SLC6A18: variants seen among roughly 807,000 people sequenced by gnomAD.
SLC6A18 encodes inactive sodium-dependent neutral amino acid transporter B(0)AT3.
SLC6A18 carries 58 observed loss-of-function variants against 62.9 expected under a neutral mutation model. That is an observed-to-expected ratio of 0.92 (90% CI 0.75 to 1.15). The LOEUF is 1.15. Among genes scored for constraint, SLC6A18 ranks in the 50% most tolerant of loss-of-function variants. The probability of loss-of-function intolerance (pLI) is 0.00; values close to 1 mark genes in which losing one functional copy is unlikely to be tolerated. For missense variants in SLC6A18, 793 were observed against 836.6 expected, an observed-to-expected ratio of 0.95 and a Z score of 0.64; for synonymous variants, 382 against 365.8, an observed-to-expected ratio of 1.04 and a Z score of -0.51.
At chr5:1,233,958 G>A (rs1307710806) in intron 3 of SLC6A18, among the ~76,000 whole-genome samples, 1 of 152,058 alleles carries the variant, frequency 6.6e-6, no homozygotes, top group Admixed American at 6.5e-5. Flanking sequence ...AGCCAGGATG[G>A]TCTCGATCTC....
In SLC6A18 at chr5:1,241,462, G is replaced by A. The variant is rs373506153; in HGVS notation, c.974+803G>A. The stretch of plus-strand genomic sequence containing the variant: ...CGCAGCACCCTACAGTGTCCAGGAC[G>A]GCCCCACCCAGAGAGTGACCAGCCC... On this transcript the variant is annotated intron_variant, in intron 7 of 11. Coordinates refer to ENST00000324642, the MANE Select transcript of SLC6A18 (RefSeq NM_182632.3). The surrounding 1 kb of genome is among the most constrained non-coding windows in gnomAD (Gnocchi z 7.8). Among the ~76,000 whole-genome samples the A allele has an allele frequency of 1.3e-5, 2 of 152,208 alleles. No homozygotes were observed. The highest frequency in any genetic ancestry group is 2.9e-5 in the Non-Finnish European group (2 of 68,042).
chr5:1,239,387 G>T (rs902754239), intron 5 of SLC6A18, 63 bp from the exon 6 acceptor site: 1 of 1,291,646 alleles, frequency 7.7e-7, no homozygotes, highest in Non-Finnish European at 1.1e-6. Context: ...TTCTGGAACA[G>T]TCAGGGCCAC....
intron 5 of SLC6A18, among the ~76,000 whole-genome samples, chr5:1,239,114 C>T (rs528163910): frequency 9.8e-5 from 15 of 152,382 alleles, no homozygotes; most frequent in East Asian, 1.9e-4. Flanking sequence ...CACCCAGAAC[C>T]GCCCGGTTAG....
chr5:1,243,730 C>T lies in SLC6A18; in HGVS notation c.1307C>T (p.Pro436Leu). The T allele has an allele frequency of 6.2e-7, 1 of 1,611,018 alleles. No homozygotes were observed. The highest frequency in any genetic ancestry group is 8.5e-7 in the Non-Finnish European group (1 of 1,178,220). The change falls in exon 9 of 12, where the codon CCT becomes CTT. Residue 436 changes from proline to leucine, a missense_variant. Transcript: ENST00000324642. The surrounding 1 kb of genome is among the most constrained non-coding windows in gnomAD (Gnocchi z 6.5). The part of the protein sequence containing the change: ...ITPLLDVGVL[P>L]RWVPKEALTG... ...CCCCTGCTGGACGTGGGGGTCCTGCCTAGATGGGTCCCCAAGGAGGCCCTG... is the reference window on the plus strand; with the variant it reads ...CCCCTGCTGGACGTGGGGGTCCTGCTTAGATGGGTCCCCAAGGAGGCCCTG...
At chr5:1,230,708 A>G (rs746091741) in intron 1 of SLC6A18, among the ~76,000 whole-genome samples, 4 of 152,166 alleles carry the variant, frequency 2.6e-5, no homozygotes, top group Non-Finnish European at 4.4e-5. Flanking sequence ...AGTGGAGCTG[A>G]TGGGAGATGC....
rs368760212 is a variant in SLC6A18, at chr5:1,243,717, G to C, written c.1294G>C (p.Val432Leu). ...VEAVITPLLD[V>L]GVLPRWVPKE... is the part of the protein sequence containing the mutation. ...GGCGGTCATCACACCCCTGCTGGAC[G>C]TGGGGGTCCTGCCTAGATGGGTCCC... Residue 432 changes from valine to leucine, a missense_variant, in exon 9 of 12, where the codon GTG (valine) becomes CTG (leucine). Val to Leu is a conservative substitution (Grantham distance 32). Transcript: ENST00000324642. The surrounding 1 kb of genome is among the most constrained non-coding windows in gnomAD (Gnocchi z 6.5). The C allele has an allele frequency of 2.2e-5, 35 of 1,613,502 alleles. No homozygotes were observed. The South Asian group carries it at 3.6e-4, about 17-fold the overall frequency.
Position 1,235,677 on chromosome 5 carries a change from G to C in SLC6A18, c.621+15G>C, listed in dbSNP as rs1746866088. 3 of 1,613,402 alleles carry C rather than the reference G, an allele frequency of 1.9e-6. No individual in the cohort carries two copies. The highest frequency in any genetic ancestry group is 1.1e-5 in the South Asian group (1 of 90,996). On this transcript the variant is annotated intron_variant, in intron 4 of 11. Coordinates refer to ENST00000324642, the MANE Select transcript of SLC6A18 (RefSeq NM_182632.3). ...CTACAGGGAAGGTGAGAGCTGGCAG[G>C]GCCTGATCCCCTCTCTTGCTTCCTC... is the stretch of plus-strand genomic sequence containing the variant.
At position 1,226,911 on chromosome 5, in the gene SLC6A18, G is replaced by T. The variant is rs72491338; in HGVS notation, c.160+1274G>T. Among the ~76,000 whole-genome samples, 4 of 152,102 alleles carry T rather than the reference G, an allele frequency of 2.6e-5. No homozygotes were observed. In the East Asian group the frequency reaches 5.8e-4, roughly 22 times the overall value. On this transcript the variant is annotated intron_variant, in intron 1 of 11. Transcript: ENST00000324642. ...CGCTTTACCCACCAACGCCTTGTTC[G>T]CCAATGCCTTGCCCACCGATGCCTT... is the stretch of plus-strand genomic sequence containing the variant.
chr5:1,237,068 T>G (rs1448951596), intron 4 of SLC6A18, among the ~76,000 whole-genome samples: 1 of 139,298 alleles, frequency 7.2e-6, no homozygotes, highest in African/African-American at 2.7e-5. Context: ...ACCCCGTGTC[T>G]ACTAAAAATA....
chr5:1,242,251 A>T (rs1030683725), intron 7 of SLC6A18, among the ~76,000 whole-genome samples: 4 of 152,232 alleles, frequency 2.6e-5, no homozygotes, highest in Non-Finnish European at 4.4e-5. Context: ...AGGGGGGTAG[A>T]GAACAGCTTC....
chr5:1,239,718 A>AG (rs1042467826), intron 6 of SLC6A18, among the ~76,000 whole-genome samples, 156 bp downstream of exon 6: 2 of 152,184 alleles, frequency 1.3e-5, no homozygotes, highest in African/African-American at 2.4e-5. Context: ...GGCAGCTCCC[A>AG]GCACGTCCGG....
intron 6 of SLC6A18, among the ~76,000 whole-genome samples, 188 bp downstream of exon 6, chr5:1,239,750 C>T (rs1579532125): frequency 6.6e-6 from 1 of 152,178 alleles, no homozygotes; most frequent in Non-Finnish European, 1.5e-5. Flanking sequence ...GGAAGACAGC[C>T]TGGATAATCA....
chr5:1,232,893 G>A lies in SLC6A18; in HGVS notation c.439+5G>A. Reference sequence around the variant, plus strand: ...CACCGGACCTCAACAGAACAGGTGAGCTGGGCGCCGCCTGCTGTGTGGGTC... The same window carrying A: ...CACCGGACCTCAACAGAACAGGTGAACTGGGCGCCGCCTGCTGTGTGGGTC... On this transcript the variant is annotated splice_donor_5th_base_variant and intron_variant, in intron 3 of 11. Transcript: ENST00000324642. The A allele has an allele frequency of 1.2e-6, 2 of 1,606,860 alleles. No individual in the cohort carries two copies. Among genetic ancestry groups the A allele is most frequent in the Non-Finnish European group, 1.7e-6 (2 of 1,176,128 alleles).
At position 1,227,058 on chromosome 5, in the gene SLC6A18, A is replaced by C. The variant is rs367565246; in HGVS notation, c.160+1421A>C. Among the ~76,000 whole-genome samples the C allele has an allele frequency of 2.9e-3, 185 of 64,062 alleles. No individual in the cohort carries two copies. In the Middle Eastern group the frequency reaches 0.033, roughly 11 times the overall value. The allele number at this position is 64,062 out of a possible 152,430, so 42.0% of individuals were successfully genotyped here. On this transcript the variant is annotated intron_variant, in intron 1 of 11. Coordinates refer to ENST00000324642, the MANE Select transcript of SLC6A18 (RefSeq NM_182632.3). The stretch of plus-strand genomic sequence containing the variant: ...GCCCGCCGACGCCTTGCCCGCCGAC[A>C]CCTTGCCCGCCGACCCCTTGCCCGC...
intron 1 of SLC6A18, among the ~76,000 whole-genome samples, chr5:1,231,951 A>G (rs1746740576): frequency 6.6e-6 from 1 of 152,184 alleles, no homozygotes; most frequent in Admixed American, 6.5e-5. Context: ...CCCAAGTCCT[A>G]GTCCAGGGCC....
intron 1 of SLC6A18, among the ~76,000 whole-genome samples, chr5:1,227,787 T>C (rs1746620749): frequency 6.6e-6 from 1 of 152,226 alleles, no homozygotes; most frequent in African/African-American, 2.4e-5. Context: ...TATTACACAT[T>C]CAGCGTCTTT....
intron 4 of SLC6A18, among the ~76,000 whole-genome samples, chr5:1,236,668 C>G (rs1294966882): frequency 6.6e-6 from 1 of 152,174 alleles, no homozygotes; most frequent in African/African-American, 2.4e-5. Flanking sequence ...AGTCCATGCA[C>G]CCTGGACCGT....
At chr5:1,234,050 C>A (rs1347183852) in intron 3 of SLC6A18, among the ~76,000 whole-genome samples, 2 of 152,000 alleles carry the variant, frequency 1.3e-5, no homozygotes, top group African/African-American at 4.8e-5. Flanking sequence ...CAGCACCCAG[C>A]TAATTTTATT....
In SLC6A18 at chr5:1,243,807, A is replaced by G; in HGVS notation, c.1336+48A>G. ...CTGGAGGACCCGTCCCCAGCATCTG[A>G]CTGTCCACTCCCGCCCGCTGTCCAG... On this transcript the variant is annotated intron_variant, in intron 9 of 11. Transcript: ENST00000324642. This position sits in a 1 kb window ranked among gnomAD's most constrained non-coding sequence, Gnocchi z 6.5. 1 of 1,522,518 alleles carries G rather than the reference A, an allele frequency of 6.6e-7. No homozygotes were observed. Among genetic ancestry groups the G allele is most frequent in the Middle Eastern group, 2.0e-4 (1 of 5,070 alleles). The allele number at this position is 1,522,518 out of a possible 1,614,324, so 94.3% of individuals were successfully genotyped here.
Sources: allele counts gnomAD v4.1 joint callset (sites outside exome capture counted in the v4.1 genomes callset), GRCh38; gene constraint gnomAD v4.1.1; non-coding constraint Gnocchi (gnomAD v3.1); transcripts MANE v1.5; gene names NCBI Gene and HGNC (gene_info 2026-07-23, HGNC 2026-07-21).